Variants in OXNAD1 observed in about 807,000 individuals in gnomAD.
The protein encoded by OXNAD1 is oxidoreductase NAD-binding domain-containing protein 1.
OXNAD1 carries 34 observed loss-of-function variants against 32.9 expected under a neutral mutation model. The ratio of observed to expected loss-of-function variants is 1.03; its 90% CI spans 0.79 to 1.38. The LOEUF (loss-of-function observed/expected upper bound fraction) is 1.38. Among genes scored for constraint, OXNAD1 ranks in the 40% most tolerant of loss-of-function variants. The pLI is 0.00. For missense variants in OXNAD1, 407 were observed against 379.4 expected (o/e 1.07, Z -0.60); for synonymous variants, 134 against 135.2 (o/e 0.99, Z 0.06).
At chr3:16,311,070 G>C (rs990151643), downstream of OXNAD1, among the ~76,000 whole-genome samples, 1 of 148,728 alleles carries the variant, frequency 6.7e-6, no homozygotes, top group East Asian at 2.0e-4. Context: ...GGTTCCCTTT[G>C]TACTCCCACA....
chr3:16,330,142 A>G (rs1179867249), intron 9 of OXNAD1, among the ~76,000 whole-genome samples: 1 of 152,190 alleles, frequency 6.6e-6, no homozygotes, highest in Non-Finnish European at 1.5e-5. Flanking sequence ...ACAACAAAAC[A>G]ACCCTGCTTG....
intron 4 of OXNAD1, among the ~76,000 whole-genome samples, chr3:16,274,749 C>T (rs375886491): frequency 6.6e-6 from 1 of 152,190 alleles, no homozygotes; most frequent in South Asian, 2.1e-4. Flanking sequence ...CTGAACCTGA[C>T]GTCTGTTTCA....
chr3:16,295,942 G>A (rs140722794), intron 6 of OXNAD1, among the ~76,000 whole-genome samples: 120 of 152,322 alleles, frequency 7.9e-4, no homozygotes, highest in Middle Eastern at 3.4e-3. Flanking sequence ...TTGGGTTTCT[G>A]TAGGAGCCAC....
intron 9 of OXNAD1, among the ~76,000 whole-genome samples, chr3:16,332,417 C>CTT (rs34563846): frequency 7.4e-5 from 11 of 148,550 alleles, no homozygotes; most frequent in East Asian, 2.0e-4. Flanking sequence ...TTGATTGCTT[C>CTT]TTTTTTTTTT....
Position 16,284,604 on chromosome 3 carries a change from G to A in OXNAD1, c.184-1738G>A, listed in dbSNP as rs182161043. Among the ~76,000 whole-genome samples the A allele has an allele frequency of 1.2e-3, 189 of 152,312 alleles. 2 individuals carry two copies. Among genetic ancestry groups the A allele is most frequent in the Non-Finnish European group, 1.8e-4 (12 of 68,022 alleles). On this transcript the variant is annotated intron_variant, in intron 4 of 8. Coordinates refer to ENST00000285083, the MANE Select transcript of OXNAD1 (RefSeq NM_138381.5). This position sits in a 1 kb window ranked among gnomAD's most constrained non-coding sequence, Gnocchi z 4.1. Reference sequence around the variant, plus strand: ...GTGCTTTGTCGTTGACCAAAATGTCGTTGCACAGCACATGACTGTACATTA... The same window carrying A: ...GTGCTTTGTCGTTGACCAAAATGTCATTGCACAGCACATGACTGTACATTA...
At chr3:16,283,403 A>G (rs1327907593) in intron 4 of OXNAD1, among the ~76,000 whole-genome samples, 1 of 152,214 alleles carries the variant, frequency 6.6e-6, no homozygotes, top group Non-Finnish European at 1.5e-5. Flanking sequence ...ATTCCTAGCT[A>G]GGTGATCTTG....
chr3:16,273,603 G>A (rs1028838174), intron 4 of OXNAD1, among the ~76,000 whole-genome samples: 1 of 152,066 alleles, frequency 6.6e-6, no homozygotes, highest in Admixed American at 6.5e-5. Context: ...TGCCCAGGCT[G>A]GTCTTGAACT....
In OXNAD1 at chr3:16,312,127, G is replaced by A. The variant is rs1004702665; in HGVS notation, c.*30+8535G>A. On this transcript the variant is annotated intron_variant, in intron 9 of 9. Coordinates refer to the OXNAD1 transcript ENST00000435829. This position sits in a 1 kb window ranked among gnomAD's most constrained non-coding sequence, Gnocchi z 4.7. ...TCTTAGTCTAGCCACTGAAACGATT[G>A]TTATCAACAGGAACCTGTGGTGAAC... Among the ~76,000 whole-genome samples, 3 of 152,176 alleles carry A rather than the reference G, an allele frequency of 2.0e-5. No individual in the cohort carries two copies. Among genetic ancestry groups the A allele is most frequent in the Non-Finnish European group, 4.4e-5 (3 of 68,028 alleles).
chr3:16,341,317 A>G (rs118099956), downstream of OXNAD1, among the ~76,000 whole-genome samples: 4,581 of 152,330 alleles, frequency 0.03, 103 homozygotes, highest in Middle Eastern at 0.082. The surrounding 1 kb of genome is among the most constrained non-coding windows in gnomAD (Gnocchi z 4.7). Flanking sequence ...TTACCCAAAT[A>G]AGCTGAAAAC....
chr3:16,290,852 A>T lies in OXNAD1; in HGVS notation c.291-4004A>T, dbSNP rs183632117. ...AAGGTCATAGATCAGATTAGAGAAC[A>T]TCTTTTGCTTTTCTTTTAGGCCTGT... On this transcript the variant is annotated intron_variant, in intron 5 of 8. Coordinates refer to ENST00000285083, the MANE Select transcript of OXNAD1 (RefSeq NM_138381.5). This position sits in a 1 kb window ranked among gnomAD's most constrained non-coding sequence, Gnocchi z 4.2. Among the ~76,000 whole-genome samples the T allele has an allele frequency of 3.0e-3, 462 of 152,252 alleles. 3 individuals carry two copies. The highest frequency in any genetic ancestry group is 9.9e-3 in the African/African-American group (410 of 41,502).
At chr3:16,311,106 G>C (rs1246112652) in intron 9 of OXNAD1, among the ~76,000 whole-genome samples, 2 of 150,804 alleles carry the variant, frequency 1.3e-5, no homozygotes, top group African/African-American at 4.9e-5. Flanking sequence ...CTCCCCAAGA[G>C]CTGCTGCTTT....
At chr3:16,276,133 A>G in intron 4 of OXNAD1, 1 of 180,090 alleles carries the variant, frequency 5.6e-6, no homozygotes, top group Non-Finnish European at 1.2e-5. Flanking sequence ...ACTCTGTCTC[A>G]AAAAGAAAAG....
At chr3:16,328,099 G>A (rs1428399708) in intron 9 of OXNAD1, among the ~76,000 whole-genome samples, 3 of 152,368 alleles carry the variant, frequency 2.0e-5, no homozygotes, top group South Asian at 2.1e-4. Context: ...CCGGCCCCTG[G>A]AGTTCACAGG....
intron 9 of OXNAD1, among the ~76,000 whole-genome samples, chr3:16,330,374 C>A (rs1208718186): frequency 1.3e-5 from 2 of 152,182 alleles, no homozygotes; most frequent in Non-Finnish European, 2.9e-5. Flanking sequence ...GATGGCATTT[C>A]TAAAATACAA....
chr3:16,331,349 A>G (rs2070293141), intron 9 of OXNAD1, among the ~76,000 whole-genome samples: 1 of 152,240 alleles, frequency 6.6e-6, no homozygotes, highest in South Asian at 2.1e-4. Context: ...GTGCTCCCAT[A>G]AACATTTCTT....
In OXNAD1 at chr3:16,299,047, T is replaced by C. The variant is rs553967531; in HGVS notation, c.433-2579T>C. Reference sequence around the variant, plus strand: ...TAAGACAGGCTTCTTGAATATTATCTTTCCCTGGGGCACATTTTCTTGCCA... The same window carrying C: ...TAAGACAGGCTTCTTGAATATTATCCTTCCCTGGGGCACATTTTCTTGCCA... On this transcript the variant is annotated intron_variant, in intron 6 of 8. Coordinates refer to ENST00000285083, the MANE Select transcript of OXNAD1 (RefSeq NM_138381.5). The surrounding 1 kb of genome is among the most constrained non-coding windows in gnomAD (Gnocchi z 4.4). 6.6e-6 allele frequency among the ~76,000 whole-genome samples: 1 copy of C among 152,328 alleles called. No individual in the cohort carries two copies. The highest frequency in any genetic ancestry group is 2.1e-4 in the South Asian group (1 of 4,832).
At chr3:16,343,161 T>C (rs1300473180) in intron 9 of OXNAD1, among the ~76,000 whole-genome samples, 2 of 152,066 alleles carry the variant, frequency 1.3e-5, no homozygotes, top group African/African-American at 2.4e-5. Context: ...TTTTAATAAG[T>C]CCTCAGGTGA....
In OXNAD1 at chr3:16,280,483, G is replaced by A. The variant is rs1246663592; in HGVS notation, c.184-5859G>A. Among the ~76,000 whole-genome samples the A allele has an allele frequency of 1.3e-5, 2 of 151,830 alleles. No homozygotes were observed. Among genetic ancestry groups the A allele is most frequent in the African/African-American group, 4.8e-5 (2 of 41,278 alleles). ...TAGTCAGATTCCTACACATCAGATTGATACTCTGCTACCATTTAAATAATG... is the reference window on the plus strand; with the variant it reads ...TAGTCAGATTCCTACACATCAGATTAATACTCTGCTACCATTTAAATAATG... On this transcript the variant is annotated intron_variant, in intron 4 of 8. Transcript: ENST00000285083. The surrounding 1 kb of genome is among the most constrained non-coding windows in gnomAD (Gnocchi z 4.5).
chr3:16,327,762 A>G lies in OXNAD1; in HGVS notation c.*31-9350A>G, dbSNP rs1435426074. ...GGTGACAGAGCGGGATTCCCATCTC[A>G]AAAAAAAAAACAAAACGAAAAAAAC... is the stretch of plus-strand genomic sequence containing the variant. On this transcript the variant is annotated intron_variant, in intron 9 of 9. Coordinates refer to the OXNAD1 transcript ENST00000435829. The surrounding 1 kb of genome is among the most constrained non-coding windows in gnomAD (Gnocchi z 4.2). Among the ~76,000 whole-genome samples the G allele has an allele frequency of 3.2e-5, 1 of 30,886 alleles. No homozygotes were observed. Among genetic ancestry groups the G allele is most frequent in the Non-Finnish European group, 8.2e-5 (1 of 12,176 alleles). The allele number at this position is 30,886 out of a possible 152,430, so 20.3% of individuals were successfully genotyped here. A position where few individuals can be genotyped will look rare whatever the true frequency, so the allele number is the denominator to read the frequency against.
Sources: allele counts gnomAD v4.1 joint callset (sites outside exome capture counted in the v4.1 genomes callset), GRCh38; gene constraint gnomAD v4.1.1; non-coding constraint Gnocchi (gnomAD v3.1); transcripts MANE v1.5; gene names NCBI Gene and HGNC (gene_info 2026-07-23, HGNC 2026-07-21).